The following YPEL1 variants were observed in gnomAD, a reference collection of about 807,000 sequenced individuals.
YPEL1 encodes protein yippee-like 1.
YPEL1 carries 7 observed loss-of-function variants against 17.3 expected under a neutral mutation model. That is an observed-to-expected ratio of 0.40 (90% CI 0.23 to 0.76). The LOEUF (loss-of-function observed/expected upper bound fraction) is 0.76, where lower values mean the gene tolerates loss of function less well. YPEL1 is among the 30% of genes least tolerant of loss of function. The pLI is 0.35. For missense variants in YPEL1, 91 were observed against 155.5 expected (o/e 0.59, Z 2.21); for synonymous variants, 59 against 59.6 (o/e 0.99, Z 0.05).
intron 1 of YPEL1, among the ~76,000 whole-genome samples, chr22:21,716,323 A>G (rs1203052785): frequency 6.6e-6 from 1 of 152,284 alleles, no homozygotes; most frequent in Non-Finnish European, 1.5e-5. Flanking sequence ...AGTACCAAAA[A>G]TGCTGACAAA....
chr22:21,726,841 C>T (rs983545113), intron 1 of YPEL1, among the ~76,000 whole-genome samples: 4 of 152,206 alleles, frequency 2.6e-5, no homozygotes, highest in Non-Finnish European at 4.4e-5. Context: ...CTCTCGCCTC[C>T]ACCTTGTGGT....
At chr22:21,732,205 T>C (rs977549031) in intron 1 of YPEL1, among the ~76,000 whole-genome samples, 36 of 152,336 alleles carry the variant, frequency 2.4e-4, no homozygotes, top group Admixed American at 9.2e-4. Context: ...CTTGACTTCT[T>C]TCCTGAATCT....
At chr22:21,717,903 G>T (rs2068242772) in intron 1 of YPEL1, among the ~76,000 whole-genome samples, 1 of 152,082 alleles carries the variant, frequency 6.6e-6, no homozygotes, top group Non-Finnish European at 1.5e-5. Context: ...AAGGCAGGAG[G>T]ATTGCTTGAG....
At chr22:21,707,369 A>T (rs950186371) in intron 2 of YPEL1, among the ~76,000 whole-genome samples, 4 of 152,144 alleles carry the variant, frequency 2.6e-5, no homozygotes, top group Non-Finnish European at 5.9e-5. Context: ...GTGAGTGGAG[A>T]TGGCACCACT....
At chr22:21,722,287 G>C (rs551633430) in intron 1 of YPEL1, among the ~76,000 whole-genome samples, 4 of 152,090 alleles carry the variant, frequency 2.6e-5, no homozygotes. Flanking sequence ...GTGGTGGCAC[G>C]TGCCTGTAGT....
Position 21,714,274 on chromosome 22 carries a change from C to A in YPEL1, c.-164-3366G>T, listed in dbSNP as rs562982714. On this transcript the variant is annotated intron_variant, in intron 1 of 4. Coordinates refer to ENST00000339468, the MANE Select transcript of YPEL1 (RefSeq NM_013313.5). ...GCGGCCACCCAGGATGGTACTGGGA[C>A]CCGGTCACCACGGCGCTGCTGTGCC... 7.2e-5 allele frequency among the ~76,000 whole-genome samples: 11 copies of A among 152,326 alleles called. No homozygotes were observed. The South Asian group carries it at 1.4e-3, about 20-fold the overall frequency.
At chr22:21,730,821 C>T (rs895137128) in intron 1 of YPEL1, among the ~76,000 whole-genome samples, 9 of 152,210 alleles carry the variant, frequency 5.9e-5, no homozygotes, top group Non-Finnish European at 1.2e-4. Flanking sequence ...CCCCTGCTCT[C>T]TGGGGAACCC....
intron 2 of YPEL1, among the ~76,000 whole-genome samples, chr22:21,708,492 T>A (rs972047425): frequency 2.1e-5 from 3 of 144,756 alleles, no homozygotes; most frequent in African/African-American, 7.7e-5. Flanking sequence ...TGTGCCACCA[T>A]GCCCAGCTAA....
intron 1 of YPEL1, among the ~76,000 whole-genome samples, chr22:21,734,314 G>A (rs372828419): frequency 3.3e-5 from 5 of 152,354 alleles, no homozygotes; most frequent in Non-Finnish European, 5.9e-5. Flanking sequence ...AATGCACCCA[G>A]GTGTTTTTCA....
intron 1 of YPEL1, among the ~76,000 whole-genome samples, chr22:21,715,323 G>A (rs771441459): frequency 5.3e-5 from 8 of 151,966 alleles, no homozygotes; most frequent in Non-Finnish European, 1.0e-4. Context: ...TGAAAACCCC[G>A]TCTCTATTAA....
chr22:21,723,690 ATTT>A (rs11413513), intron 1 of YPEL1, among the ~76,000 whole-genome samples: 1 of 144,744 alleles, frequency 6.9e-6, no homozygotes, highest in African/African-American at 2.6e-5. Flanking sequence ...ATTTTAATTA[ATTT>A]TTTTTTTTTT....
At chr22:21,716,017 C>T (rs1025376763) in intron 1 of YPEL1, among the ~76,000 whole-genome samples, 8 of 152,180 alleles carry the variant, frequency 5.3e-5, no homozygotes, top group Non-Finnish European at 8.8e-5. Context: ...CTGCCTTGGC[C>T]TCCCAAAGTG....
At chr22:21,717,091 C>T (rs962894516) in intron 1 of YPEL1, among the ~76,000 whole-genome samples, 6 of 145,836 alleles carry the variant, frequency 4.1e-5, no homozygotes, top group East Asian at 2.3e-4. Context: ...AGAGGCCGGG[C>T]GCGCTGGCTC....
chr22:21,711,909 C>T (rs935624635), intron 1 of YPEL1, among the ~76,000 whole-genome samples: 1 of 152,222 alleles, frequency 6.6e-6, no homozygotes. Context: ...GTGCAGTGCT[C>T]ACGCCTGTGG....
rs1421079709 is a variant in YPEL1 at position 21,703,619 on chromosome 22, C to T, written c.162-141G>A. 2.4e-5 allele frequency: 20 copies of T among 844,552 alleles called. No homozygotes were observed. Among genetic ancestry groups the T allele is most frequent in the Non-Finnish European group, 3.7e-5 (20 of 541,462 alleles). 52.3% of individuals were successfully genotyped at this position (844,552 alleles called of 1,614,324 possible). ...CCAGAGAGCAGTGCCGTGCCTCTCC[C>T]CCAGCCCTGCCCGCCACCACCATCA... On this transcript the variant is annotated intron_variant, in intron 3 of 4. Coordinates refer to ENST00000339468, the MANE Select transcript of YPEL1 (RefSeq NM_013313.5). The surrounding 1 kb of genome is among the most constrained non-coding windows in gnomAD (Gnocchi z 6.1).
At chr22:21,714,261 G>T (rs1012962878) in intron 1 of YPEL1, among the ~76,000 whole-genome samples, 1 of 152,206 alleles carries the variant, frequency 6.6e-6, no homozygotes, top group African/African-American at 2.4e-5. Flanking sequence ...GGCCACCCAG[G>T]ATGGTACTGG....
At chr22:21,717,194 G>A (rs371430332) in intron 1 of YPEL1, among the ~76,000 whole-genome samples, 5 of 151,972 alleles carry the variant, frequency 3.3e-5, no homozygotes, top group East Asian at 1.9e-4. Context: ...TGGCCAACAC[G>A]GTGAAACCCC....
chr22:21,735,585 G>C (rs2068428993), intron 1 of YPEL1, 30 bp downstream of exon 1: 1 of 151,446 alleles, frequency 6.6e-6, no homozygotes, highest in Non-Finnish European at 1.5e-5. Context: ...AACCGCCCGC[G>C]CAGCTGCAGC....
At chr22:21,725,637 G>A (rs899176080) in intron 1 of YPEL1, among the ~76,000 whole-genome samples, 6 of 151,964 alleles carry the variant, frequency 3.9e-5, no homozygotes, top group Non-Finnish European at 5.9e-5. Context: ...AAATATCTAG[G>A]GAATGAATAT....
Sources: gnomAD v4.1 joint callset for allele counts (sites outside exome capture counted in the v4.1 genomes callset) on GRCh38, gnomAD v4.1.1 for gene constraint, Gnocchi (gnomAD v3.1) non-coding constraint, MANE v1.5 for transcripts, NCBI Gene and HGNC (gene_info 2026-07-23, HGNC 2026-07-21) for gene names.